Variants in CNGB3 observed in about 807,000 individuals in gnomAD.
CNGB3 encodes cyclic nucleotide-gated channel beta-3.
In CNGB3, 86 loss-of-function variants were observed where a neutral mutation model predicts 92.8. That is an observed-to-expected ratio of 0.93 (90% CI 0.78 to 1.11). CNGB3 has a LOEUF of 1.11. CNGB3 is among the 50% of genes least tolerant of loss of function. CNGB3 has a pLI of 0.00. For synonymous variants in CNGB3, 333 were observed against 332.7 expected, an observed-to-expected ratio of 1.00 and a Z score of -0.01; for missense variants, 1,026 against 956.8, an observed-to-expected ratio of 1.07 and a Z score of -0.95.
intron 2 of CNGB3, among the ~76,000 whole-genome samples, chr8:86,737,570 A>C (rs1036757437): frequency 1.3e-5 from 2 of 152,180 alleles, no homozygotes; most frequent in African/African-American, 2.4e-5. Context: ...GGAATTTGGA[A>C]TTATTTAAAA....
chr8:86,624,276 G>A (rs1822799971), intron 13 of CNGB3, among the ~76,000 whole-genome samples: 2 of 152,128 alleles, frequency 1.3e-5, no homozygotes, highest in South Asian at 4.1e-4. Flanking sequence ...AAAATTAGCT[G>A]GGTGTGGTGG....
At chr8:86,701,393 T>A (rs1824552968) in intron 3 of CNGB3, among the ~76,000 whole-genome samples, 1 of 152,226 alleles carries the variant, frequency 6.6e-6, no homozygotes, top group Non-Finnish European at 1.5e-5. Context: ...TATGGGGCTC[T>A]AACACCAATA....
At chr8:86,709,921 CATA>C (rs1330288383) in intron 3 of CNGB3, among the ~76,000 whole-genome samples, 6 of 152,130 alleles carry the variant, frequency 3.9e-5, no homozygotes, top group Admixed American at 1.3e-4. Context: ...GAATAAAGCA[CATA>C]ATGTTTTATT....
intron 15 of CNGB3, chr8:86,593,636 G>T (rs1359185481): frequency 8.2e-6 from 4 of 487,626 alleles, no homozygotes; most frequent in Non-Finnish European, 1.5e-5. Flanking sequence ...GGCGAGTGGG[G>T]TTCCCCACTG....
At chr8:86,733,230 A>G (rs1300377615) in intron 2 of CNGB3, among the ~76,000 whole-genome samples, 1 of 152,108 alleles carries the variant, frequency 6.6e-6, no homozygotes, top group East Asian at 1.9e-4. Flanking sequence ...TGTTTAAGAT[A>G]ATGGCCTCCA....
intron 3 of CNGB3, among the ~76,000 whole-genome samples, chr8:86,673,174 A>G (rs1823895676): frequency 6.6e-6 from 1 of 152,250 alleles, no homozygotes; most frequent in African/African-American, 2.4e-5. Flanking sequence ...GGAAACAAGG[A>G]TGTCAATCCA....
intron 13 of CNGB3, among the ~76,000 whole-genome samples, chr8:86,622,835 TTATTA>T (rs1438194951): frequency 1.3e-5 from 2 of 152,228 alleles, no homozygotes; most frequent in East Asian, 1.9e-4. Flanking sequence ...GTAATACATT[TTATTA>T]TATTCCTTCT....
At chr8:86,621,268 A>T (rs905318460) in intron 13 of CNGB3, among the ~76,000 whole-genome samples, 10 of 152,178 alleles carry the variant, frequency 6.6e-5, no homozygotes, top group African/African-American at 2.4e-4. Context: ...AATATTTTAA[A>T]ACACTGTTAA....
At chr8:86,628,447 A>C (rs562142591) in intron 12 of CNGB3, among the ~76,000 whole-genome samples, 2 of 152,262 alleles carry the variant, frequency 1.3e-5, no homozygotes, top group South Asian at 4.2e-4. Context: ...CACTTGTTCA[A>C]GGGTCAACTG....
intron 7 of CNGB3, among the ~76,000 whole-genome samples, chr8:86,652,877 C>T (rs1402550122): frequency 2.0e-5 from 3 of 152,108 alleles, no homozygotes; most frequent in Non-Finnish European, 4.4e-5. Context: ...ATAGTAAATA[C>T]ATAAGCTAGT....
At chr8:86,655,113 A>G (rs555747620) in intron 6 of CNGB3, among the ~76,000 whole-genome samples, 4 of 152,216 alleles carry the variant, frequency 2.6e-5, no homozygotes, top group African/African-American at 9.6e-5. Context: ...GTGGTCCTAC[A>G]CTGCACATTC....
At chr8:86,694,051 ACGGGGCGGC>A (rs1294855778) in intron 3 of CNGB3, among the ~76,000 whole-genome samples, 27 of 128,922 alleles carry the variant, frequency 2.1e-4, no homozygotes, top group African/African-American at 7.6e-4. Flanking sequence ...CACCTCCCGG[ACGGGGCGGC>A]TGGCCGGGCG....
Position 86,644,671 on chromosome 8 carries a change from C to CA in CNGB3, c.1005dup (p.Glu336Ter), listed in dbSNP as rs1554611860. The CA allele has an allele frequency of 1.3e-6, 2 of 1,583,538 alleles. No individual in the cohort carries two copies. The highest frequency in any genetic ancestry group is 1.4e-5 in the African/African-American group (1 of 73,502). On this transcript the variant is annotated frameshift_variant, in exon 9 of 18. Coordinates refer to ENST00000320005, the MANE Select transcript of CNGB3 (RefSeq NM_019098.5). LOFTEE classifies it high-confidence loss of function. ...ATAGACTCTAGGTGATGATTAAATTCAAAAAATGAAGTGTACTATATAGAA... is the reference window on the plus strand; with the variant it reads ...ATAGACTCTAGGTGATGATTAAATTCAAAAAAATGAAGTGTACTATATAGAA...
chr8:86,668,003 C>T lies in CNGB3; in HGVS notation c.643+16G>A. On this transcript the variant is annotated intron_variant, in intron 5 of 17. Transcript: ENST00000320005. ...AGCCAGCCCTCCCACTATGATAATT[C>T]ACCCTTTGATAATACCTGTGTATGA... 1 of 1,613,844 alleles carries T rather than the reference C, an allele frequency of 6.2e-7. No individual in the cohort carries two copies. The highest frequency in any genetic ancestry group is 8.5e-7 in the Non-Finnish European group (1 of 1,179,876).
chr8:86,684,545 A>T (rs1370929303), intron 3 of CNGB3, among the ~76,000 whole-genome samples: 2 of 152,204 alleles, frequency 1.3e-5, no homozygotes, highest in Non-Finnish European at 2.9e-5. Flanking sequence ...AAACTTGTGC[A>T]CACATATTCA....
At chr8:86,649,441 T>C (rs1366440186) in intron 7 of CNGB3, among the ~76,000 whole-genome samples, 1 of 151,308 alleles carries the variant, frequency 6.6e-6, no homozygotes, top group Non-Finnish European at 1.5e-5. Context: ...GGTACTGGTA[T>C]AAAAGTAGTA....
intron 3 of CNGB3, among the ~76,000 whole-genome samples, chr8:86,723,353 A>G (rs1369187864): frequency 6.6e-6 from 1 of 152,168 alleles, no homozygotes; most frequent in Non-Finnish European, 1.5e-5. Context: ...TAGTTCCTGC[A>G]ATCAATCAAA....
In CNGB3 at chr8:86,697,596, A is replaced by T. The variant is rs192023303; in HGVS notation, c.339-26498T>A. ...AATAATATTAATTGGACTTTAAAAAAATTTTAGCAAAACTCACTTGCTATC... is the reference window on the plus strand; with the variant it reads ...AATAATATTAATTGGACTTTAAAAATATTTTAGCAAAACTCACTTGCTATC... On this transcript the variant is annotated intron_variant, in intron 3 of 17. Coordinates refer to ENST00000320005, the MANE Select transcript of CNGB3 (RefSeq NM_019098.5). 3.2e-4 allele frequency among the ~76,000 whole-genome samples: 48 copies of T among 152,324 alleles called. 1 individual carries two copies. Among genetic ancestry groups the T allele is most frequent in the African/African-American group, 1.1e-3 (46 of 41,572 alleles).
intron 7 of CNGB3, among the ~76,000 whole-genome samples, chr8:86,648,153 T>C (rs1585991298): frequency 6.6e-6 from 1 of 151,192 alleles, no homozygotes; most frequent in Admixed American, 6.6e-5. Context: ...GGGATTTTTA[T>C]TGAGCTGTCA....
Sources: gnomAD v4.1 joint callset for allele counts (sites outside exome capture counted in the v4.1 genomes callset) on GRCh38, gnomAD v4.1.1 for gene constraint, MANE v1.5 for transcripts, NCBI Gene and HGNC (gene_info 2026-07-23, HGNC 2026-07-21) for gene names.